The following FAM135B variants were observed in gnomAD, a reference collection of about 807,000 sequenced individuals.
FAM135B encodes the protein protein FAM135B.
A neutral mutation model predicts 127.7 loss-of-function variants in FAM135B; 43 were observed. The ratio of observed to expected loss-of-function variants is 0.34; its 90% CI spans 0.26 to 0.43. The LOEUF (loss-of-function observed/expected upper bound fraction) is 0.43. Among genes scored for constraint, FAM135B ranks in the 20% least tolerant of loss-of-function variants. The probability of loss-of-function intolerance (pLI) is 1.00; values close to 1 mark genes in which losing one functional copy is unlikely to be tolerated. For missense variants in FAM135B, 1,558 were observed against 1,725.6 expected, an observed-to-expected ratio of 0.90 and a Z score of 1.72; for synonymous variants, 670 against 665.1, an observed-to-expected ratio of 1.01 and a Z score of -0.11.
intron 1 of FAM135B, chr8:138,441,772 C>T (rs989680644): frequency 2.6e-5 from 4 of 151,374 alleles, no homozygotes; most frequent in Admixed American, 6.6e-5. Context: ...CAAATTCGAT[C>T]ATATGAGTGG....
intron 3 of FAM135B, among the ~76,000 whole-genome samples, chr8:138,278,375 AG>A (rs1489742052): frequency 6.6e-6 from 1 of 151,808 alleles, no homozygotes; most frequent in African/African-American, 2.4e-5. Context: ...GCCAAGGCTT[AG>A]CCAGTTAGCT....
At position 138,130,170 on chromosome 8, in the gene FAM135B, T is replaced by C. The variant is rs1316243930; in HGVS notation, c.*2423A>G. ...TGTTTATAATTTTTACAATCAATAATAGAATGTCCCTGTTTTACATAATAT... is the reference window on the plus strand; with the variant it reads ...TGTTTATAATTTTTACAATCAATAACAGAATGTCCCTGTTTTACATAATAT... On this transcript the variant is annotated 3_prime_UTR_variant, in exon 20 of 20. Transcript: ENST00000395297. The C allele has an allele frequency of 6.6e-6, 1 of 150,794 alleles. No homozygotes were observed. The highest frequency in any genetic ancestry group is 2.4e-5 in the African/African-American group (1 of 41,212). The allele number at this position is 150,794 out of a possible 1,614,324, so 9.3% of individuals were successfully genotyped here.
chr8:138,477,045 C>G (rs1814506648), intron 1 of FAM135B, among the ~76,000 whole-genome samples: 1 of 152,126 alleles, frequency 6.6e-6, no homozygotes, highest in African/African-American at 2.4e-5. Context: ...GACTTTTAAG[C>G]CATGTGGAAC....
At chr8:138,447,197 A>G (rs1273313345) in intron 1 of FAM135B, among the ~76,000 whole-genome samples, 1 of 152,198 alleles carries the variant, frequency 6.6e-6, no homozygotes, top group African/African-American at 2.4e-5. Flanking sequence ...ACACTTTTAC[A>G]CTGTTGGTGG....
intron 1 of FAM135B, among the ~76,000 whole-genome samples, chr8:138,384,993 C>T (rs1292140087): frequency 6.6e-6 from 1 of 152,178 alleles, no homozygotes; most frequent in Non-Finnish European, 1.5e-5. Flanking sequence ...TCGGCCAACG[C>T]AGTCTGATAT....
intron 4 of FAM135B, among the ~76,000 whole-genome samples, chr8:138,258,803 C>CACA (rs112481181): frequency 9.5e-5 from 14 of 146,632 alleles, no homozygotes; most frequent in East Asian, 4.1e-4. Context: ...GACACACACA[C>CACA]CACACACACA....
At position 138,202,125 on chromosome 8, in the gene FAM135B, C is replaced by CA. The variant is rs60386806; in HGVS notation, c.670-4457dup. Among the ~76,000 whole-genome samples the CA allele has an allele frequency of 1.2e-3, 99 of 84,090 alleles. 1 individual carries two copies. Among genetic ancestry groups the CA allele is most frequent in the East Asian group, 1.6e-3 (4 of 2,434 alleles). The allele number at this position is 84,090 out of a possible 152,430, so 55.2% of individuals were successfully genotyped here. A position where few individuals can be genotyped will look rare whatever the true frequency, so the allele number is the denominator to read the frequency against. On this transcript the variant is annotated intron_variant, in intron 7 of 19. Transcript: ENST00000395297. ...GGGCAACAAGAATGAAACTCTGTCT[C>CA]AAAAAAAAAAAAAAAGGCACCTCTC...
chr8:138,138,583 T>C (rs977682813), intron 18 of FAM135B, among the ~76,000 whole-genome samples: 3 of 152,258 alleles, frequency 2.0e-5, no homozygotes, highest in Non-Finnish European at 2.9e-5. Context: ...TGCCTGACAA[T>C]GACCCCCGTC....
At chr8:138,206,257 A>ACACAACTCTATCATCCCCTCCACCTACC (rs1817565915) in intron 7 of FAM135B, among the ~76,000 whole-genome samples, 1 of 6,964 alleles carries the variant, frequency 1.4e-4, no homozygotes, top group Non-Finnish European at 3.3e-4. Context: ...CTCCACCTAC[A>ACACAACTCTATCATCCCCTCCACCTACC]CACAGCTCTA....
intron 2 of FAM135B, among the ~76,000 whole-genome samples, chr8:138,366,766 T>C (rs1001990947): frequency 6.6e-6 from 1 of 152,200 alleles, no homozygotes; most frequent in Admixed American, 6.5e-5. Flanking sequence ...AAAATGTACA[T>C]TGAGTCTTAG....
chr8:138,132,625 A>G lies in FAM135B; in HGVS notation c.4189T>C (p.Phe1397Leu), dbSNP rs199557562. The change falls in exon 20 of 20, where the codon TTC (phenylalanine) becomes CTC (leucine). Residue 1397 changes from phenylalanine to leucine, a missense_variant. Phe to Leu is a conservative substitution (Grantham distance 22, BLOSUM62 0). Transcript: ENST00000395297. The surrounding 1 kb of genome is among the most constrained non-coding windows in gnomAD (Gnocchi z 4.5). ...AAGTAGTTGAGTCCTGCCACCAAGA[A>G]AAACTTCTCCAGGAAGAGTTCTGAA... ...LDSELFLEKF[F>L]LVAGLNYFK 6.2e-7 allele frequency: 1 copy of G among 1,614,206 alleles called. No homozygotes were observed. Among genetic ancestry groups the G allele is most frequent in the African/African-American group, 1.3e-5 (1 of 75,054 alleles).
intron 1 of FAM135B, among the ~76,000 whole-genome samples, chr8:138,446,617 A>T (rs530460067): frequency 1.3e-5 from 2 of 152,278 alleles, no homozygotes; most frequent in South Asian, 4.1e-4. Context: ...GAAAGCTGAA[A>T]CTGGATCCCT....
chr8:138,420,092 T>C (rs946176502), intron 1 of FAM135B, among the ~76,000 whole-genome samples: 1 of 151,958 alleles, frequency 6.6e-6, no homozygotes, highest in Non-Finnish European at 1.5e-5. Context: ...GATAGACCTC[T>C]AACTGGACTA....
intron 3 of FAM135B, among the ~76,000 whole-genome samples, chr8:138,295,120 T>C (rs1224844787): frequency 2.1e-5 from 3 of 142,870 alleles, no homozygotes; most frequent in Admixed American, 1.4e-4. Context: ...TTTTTTTTTT[T>C]TTTTTTTTTT....
At chr8:138,204,091 C>A (rs945117086) in intron 7 of FAM135B, among the ~76,000 whole-genome samples, 4 of 152,172 alleles carry the variant, frequency 2.6e-5, no homozygotes, top group African/African-American at 9.7e-5. Flanking sequence ...TACTATGCAG[C>A]CCAGTTCCTA....
intron 1 of FAM135B, among the ~76,000 whole-genome samples, chr8:138,373,890 T>G (rs996401119): frequency 6.6e-6 from 1 of 152,192 alleles, no homozygotes; most frequent in Non-Finnish European, 1.5e-5. Flanking sequence ...CCCTGTCTCC[T>G]GATAAGATGT....
At chr8:138,497,540 G>A (rs1210652268), upstream of FAM135B, among the ~76,000 whole-genome samples, 2 of 152,182 alleles carry the variant, frequency 1.3e-5, no homozygotes, top group Admixed American at 1.3e-4. Context: ...CGGAGAACTG[G>A]CTGGGAGGGG....
At chr8:138,455,662 T>G (rs1836733684) in intron 1 of FAM135B, among the ~76,000 whole-genome samples, 1 of 152,164 alleles carries the variant, frequency 6.6e-6, no homozygotes, top group Admixed American at 6.5e-5. Flanking sequence ...GGCTCTGTTC[T>G]TTCTTGTCTA....
At chr8:138,298,313 G>C (rs1825621001) in intron 3 of FAM135B, among the ~76,000 whole-genome samples, 3 of 152,106 alleles carry the variant, frequency 2.0e-5, no homozygotes, top group Non-Finnish European at 2.9e-5. Flanking sequence ...AAGAAAAAAA[G>C]AGTAAGGACT....
Sources: gnomAD v4.1 joint callset for allele counts (sites outside exome capture counted in the v4.1 genomes callset) on GRCh38, gnomAD v4.1.1 for gene constraint, Gnocchi (gnomAD v3.1) non-coding constraint, MANE v1.5 for transcripts, NCBI Gene and HGNC (gene_info 2026-07-23, HGNC 2026-07-21) for gene names.